Variants in DNAAF4 observed in about 807,000 individuals in gnomAD.
The protein encoded by DNAAF4 is dynein axonemal assembly factor 4.
In DNAAF4, 43 loss-of-function variants were observed where a neutral mutation model predicts 51.8. The ratio of observed to expected loss-of-function variants is 0.83; its 90% CI spans 0.65 to 1.07. DNAAF4 has a LOEUF of 1.07. DNAAF4 is among the 50% of genes least tolerant of loss of function. The probability of loss-of-function intolerance (pLI) is 0.00; values close to 1 mark genes in which losing one functional copy is unlikely to be tolerated. For synonymous variants in DNAAF4, 194 were observed against 165.6 expected, an observed-to-expected ratio of 1.17 and a Z score of -1.32; for missense variants, 581 against 493.0, an observed-to-expected ratio of 1.18 and a Z score of -1.69.
At chr15:55,427,712 C>G (rs532490915), downstream of DNAAF4, among the ~76,000 whole-genome samples, 2 of 151,152 alleles carry the variant, frequency 1.3e-5, no homozygotes, top group Non-Finnish European at 2.9e-5. Context: ...CTCAGCTCAC[C>G]GCAACCTCCG....
At chr15:55,498,774 G>A (rs557904822) in intron 1 of DNAAF4, among the ~76,000 whole-genome samples, 190 bp from the exon 2 acceptor site, 190 of 151,646 alleles carry the variant, frequency 1.3e-3, no homozygotes, top group African/African-American at 4.4e-3. Context: ...GCGTGGTGGT[G>A]CATGCCTGTA....
chr15:55,502,563 CTCTTT>C (rs1325842731), intron 1 of DNAAF4, among the ~76,000 whole-genome samples: 1 of 152,056 alleles, frequency 6.6e-6, no homozygotes, highest in Non-Finnish European at 1.5e-5. Flanking sequence ...TTGTTAATCT[CTCTTT>C]TCTTACAAAG....
chr15:55,426,882 T>C (rs1179348745), downstream of DNAAF4, among the ~76,000 whole-genome samples: 5 of 152,182 alleles, frequency 3.3e-5, no homozygotes, highest in Non-Finnish European at 4.4e-5. Context: ...ACTTTTTGTA[T>C]TATGCTGTTT....
chr15:55,465,833 T>TCCCAA (rs2141503351), intron 5 of DNAAF4, among the ~76,000 whole-genome samples: 1 of 152,216 alleles, frequency 6.6e-6, no homozygotes, highest in South Asian at 2.1e-4. Flanking sequence ...CCCAAAGTGT[T>TCCCAA]AGGATTACAG....
intron 5 of DNAAF4, among the ~76,000 whole-genome samples, chr15:55,460,036 T>A (rs1011384557): frequency 2.0e-5 from 3 of 151,756 alleles, no homozygotes; most frequent in African/African-American, 7.3e-5. Context: ...CAAAGCAGAC[T>A]TTAAAGCAAC....
rs533781950 is a variant in DNAAF4 at position 55,432,210 on chromosome 15, C to A, written c.1153+287G>T. ...AGGTGATCCACCCGCCTCTGCCTCC[C>A]AAAGTGCTGGGATTACAGGCATGAG... On this transcript the variant is annotated intron_variant, in intron 9 of 9. Transcript: ENST00000321149. 2.1e-3 allele frequency among the ~76,000 whole-genome samples: 327 copies of A among 152,206 alleles called. 3 individuals carry two copies. The highest frequency in any genetic ancestry group is 0.02 in the Middle Eastern group (6 of 294).
At chr15:55,484,124 T>G (rs2058452534) in intron 4 of DNAAF4, among the ~76,000 whole-genome samples, 1 of 151,926 alleles carries the variant, frequency 6.6e-6, no homozygotes, top group Non-Finnish European at 1.5e-5. Flanking sequence ...CCGGAATCCT[T>G]GCACACTGTG....
intron 4 of DNAAF4, among the ~76,000 whole-genome samples, chr15:55,469,080 C>A (rs2058210777): frequency 6.6e-6 from 1 of 152,104 alleles, no homozygotes. Context: ...CCTGAAATCC[C>A]AGCACTTTGG....
intron 4 of DNAAF4, among the ~76,000 whole-genome samples, chr15:55,481,633 C>T (rs903664736): frequency 6.6e-6 from 1 of 152,162 alleles, no homozygotes; most frequent in African/African-American, 2.4e-5. Context: ...TGTAGGGACT[C>T]TGCCCTAATC....
intron 4 of DNAAF4, among the ~76,000 whole-genome samples, chr15:55,484,205 C>T (rs938233163): frequency 7.9e-5 from 12 of 151,988 alleles, no homozygotes; most frequent in Middle Eastern, 3.4e-3. Context: ...AAAAATAGGC[C>T]GGGCGCGGTG....
At chr15:55,443,878 A>G (rs1309914473) in intron 6 of DNAAF4, among the ~76,000 whole-genome samples, 2 of 151,854 alleles carry the variant, frequency 1.3e-5, no homozygotes, top group African/African-American at 2.4e-5. Flanking sequence ...TCCTTCACCC[A>G]TGTTTCGATG....
intron 7 of DNAAF4, among the ~76,000 whole-genome samples, chr15:55,419,725 G>A (rs1374941414): frequency 3.9e-5 from 6 of 152,082 alleles, no homozygotes; most frequent in African/African-American, 4.8e-5. Context: ...GGCCGGGTGC[G>A]GTGGCTCACA....
Position 55,487,496 on chromosome 15 carries a change from C to G in DNAAF4, c.405+3627G>C, listed in dbSNP as rs917782765. 6.6e-5 allele frequency among the ~76,000 whole-genome samples: 10 copies of G among 152,314 alleles called. No individual in the cohort carries two copies. The East Asian group carries it at 1.5e-3, about 24-fold the overall frequency. ...CCCCAGCCAGCAGCGGCAACTGGCTCGGGTCCCCTTCCATGCTGTGGAAGC... is the reference window on the plus strand; with the variant it reads ...CCCCAGCCAGCAGCGGCAACTGGCTGGGGTCCCCTTCCATGCTGTGGAAGC... On this transcript the variant is annotated intron_variant, in intron 4 of 9. Transcript: ENST00000321149.
chr15:55,491,156 T>A lies in DNAAF4; in HGVS notation c.372A>T (p.Glu124Asp), dbSNP rs747703690. The change falls in exon 4 of 10, where the codon GAA (glutamate) becomes GAT (aspartate). Residue 124 changes from glutamate (E) to aspartate (D), a missense_variant. Transcript: ENST00000321149. ...TGACACTTAGTGCGTATTTTTGATC[T>A]TCCCGCTTTGCTGCAGCTTTTGCTT... ...ATEAKAAAKR[E>D]DQKYALSVMM... 23 of 1,614,010 alleles carry A rather than the reference T, an allele frequency of 1.4e-5. No individual in the cohort carries two copies. The East Asian group carries it at 3.3e-4, about 23-fold the overall frequency.
At chr15:55,448,750 G>A (rs2057882912) in intron 6 of DNAAF4, among the ~76,000 whole-genome samples, 1 of 151,102 alleles carries the variant, frequency 6.6e-6, no homozygotes, top group South Asian at 2.1e-4. Context: ...GGCACCTGTA[G>A]TCCCAGCTAC....
At chr15:55,489,583 G>A (rs770153165) in intron 4 of DNAAF4, among the ~76,000 whole-genome samples, 4 of 150,254 alleles carry the variant, frequency 2.7e-5, no homozygotes, top group Non-Finnish European at 5.9e-5. Flanking sequence ...ACTGAGGCAT[G>A]AGAATCTCTT....
chr15:55,442,411 G>A (rs1385290038), intron 6 of DNAAF4, among the ~76,000 whole-genome samples: 2 of 152,228 alleles, frequency 1.3e-5, no homozygotes, highest in East Asian at 1.9e-4. Flanking sequence ...GAGCCACAGC[G>A]CCCTGACTGA....
chr15:55,445,032 C>CTTTTTTTTTT (rs35988188), intron 6 of DNAAF4, among the ~76,000 whole-genome samples: 1 of 109,044 alleles, frequency 9.2e-6, no homozygotes, highest in African/African-American at 3.6e-5. Flanking sequence ...ATTGAATACC[C>CTTTTTTTTTT]TTTTTTTTTT....
At chr15:55,418,397 C>G in intron 7 of DNAAF4, 2 of 1,533,726 alleles carry the variant, frequency 1.3e-6, no homozygotes, top group Non-Finnish European at 1.7e-6. Flanking sequence ...CAATTCAAGT[C>G]ATTATGGTGA....
Sources: gnomAD v4.1 joint callset for allele counts (sites outside exome capture counted in the v4.1 genomes callset) on GRCh38, gnomAD v4.1.1 for gene constraint, MANE v1.5 for transcripts, NCBI Gene and HGNC (gene_info 2026-07-23, HGNC 2026-07-21) for gene names.